The following EXOC4 variants were observed in gnomAD, a reference collection of about 807,000 sequenced individuals.
EXOC4 encodes the protein exocyst complex component 4.
Under a neutral mutation model 107.2 loss-of-function variants are expected in EXOC4, and 71 were observed. That is an observed-to-expected ratio of 0.66 (90% CI 0.55 to 0.81). The LOEUF (loss-of-function observed/expected upper bound fraction) is 0.81, where lower values mean the gene tolerates loss of function less well. EXOC4 is among the 30% of genes least tolerant of loss of function. The pLI is 0.00. For missense variants in EXOC4, 1,108 were observed against 1,189.6 expected, an observed-to-expected ratio of 0.93 and a Z score of 1.01; for synonymous variants, 456 against 441.2, an observed-to-expected ratio of 1.03 and a Z score of -0.42.
At chr7:133,784,378 T>G (rs1388204985) in intron 10 of EXOC4, among the ~76,000 whole-genome samples, 1 of 152,186 alleles carries the variant, frequency 6.6e-6, no homozygotes, top group Non-Finnish European at 1.5e-5. Context: ...TGATCATTCA[T>G]TTGCCTTCTA....
At chr7:133,830,385 T>C (rs1238815473) in intron 11 of EXOC4, among the ~76,000 whole-genome samples, 2 of 152,226 alleles carry the variant, frequency 1.3e-5, no homozygotes, top group East Asian at 3.8e-4. Context: ...ATTTCTTGCC[T>C]CGTGAAGAGG....
chr7:133,813,231 GA>G, intron 10 of EXOC4, among the ~76,000 whole-genome samples: 1 of 152,134 alleles, frequency 6.6e-6, no homozygotes, highest in East Asian at 1.9e-4. Flanking sequence ...TTAGGTACAC[GA>G]AAGGCAAATA....
chr7:133,948,742 A>G (rs148993930), intron 14 of EXOC4, among the ~76,000 whole-genome samples: 5 of 152,270 alleles, frequency 3.3e-5, no homozygotes, highest in Non-Finnish European at 5.9e-5. Context: ...CAGCCTTTAT[A>G]TTCTCAGTTT....
intron 5 of EXOC4, among the ~76,000 whole-genome samples, chr7:133,340,423 C>CTTTTTTTTTTTTTTTTTTTTTTTTTTTTT: frequency 7.7e-6 from 1 of 129,558 alleles, no homozygotes; most frequent in Non-Finnish European, 1.7e-5. Flanking sequence ...TAGTATTTTT[C>CTTTTTTTTTTTTTTTTTTTTTTTTTTTTT]TTTTTTTTTT....
intron 9 of EXOC4, among the ~76,000 whole-genome samples, chr7:133,585,658 C>T (rs765185576): frequency 3.9e-5 from 6 of 151,938 alleles, no homozygotes; most frequent in Non-Finnish European, 7.4e-5. Flanking sequence ...CAGTATGGAG[C>T]TTATGTTCTA....
chr7:133,868,329 A>C (rs1015607913), intron 11 of EXOC4, among the ~76,000 whole-genome samples: 2 of 152,196 alleles, frequency 1.3e-5, no homozygotes, highest in Admixed American at 6.5e-5. Flanking sequence ...GTCAATATGC[A>C]GGAAACCAAA....
At chr7:133,673,957 A>G (rs1227440854) in intron 10 of EXOC4, among the ~76,000 whole-genome samples, 2 of 152,216 alleles carry the variant, frequency 1.3e-5, no homozygotes, top group African/African-American at 2.4e-5. Context: ...ACAGCACTGT[A>G]TGAGGAAGAG....
rs144438317 is a variant in EXOC4, at chr7:133,921,135, C to T, written c.2027+3397C>T. On this transcript the variant is annotated intron_variant, in intron 13 of 17. Transcript: ENST00000253861. Reference sequence around the variant, plus strand: ...TATTCCAAGTCCAAAGCCCTGAGAACAGGGTTAGAGGGTGGGGCTAGTGTA... The same window carrying T: ...TATTCCAAGTCCAAAGCCCTGAGAATAGGGTTAGAGGGTGGGGCTAGTGTA... 2.0e-5 allele frequency among the ~76,000 whole-genome samples: 3 copies of T among 152,292 alleles called. No homozygotes were observed. In the East Asian group the frequency reaches 5.8e-4, roughly 29 times the overall value.
At chr7:133,765,999 A>G (rs1255338584) in intron 10 of EXOC4, among the ~76,000 whole-genome samples, 1 of 152,018 alleles carries the variant, frequency 6.6e-6, no homozygotes, top group Non-Finnish European at 1.5e-5. Context: ...AGTGAGGATG[A>G]TATCTGGTAA....
At chr7:133,474,497 G>A (rs1219288088) in intron 7 of EXOC4, among the ~76,000 whole-genome samples, 2 of 149,900 alleles carry the variant, frequency 1.3e-5, no homozygotes, top group Non-Finnish European at 3.0e-5. Flanking sequence ...TTTTAAAGTA[G>A]AGATGAGCTT....
chr7:133,455,679 T>C (rs1473297975), intron 7 of EXOC4, among the ~76,000 whole-genome samples: 1 of 152,212 alleles, frequency 6.6e-6, no homozygotes, highest in East Asian at 1.9e-4. Flanking sequence ...GCTGAGCTAA[T>C]GGTTGTCCAA....
In EXOC4 at chr7:133,575,937, A is replaced by G. The variant is rs186725556; in HGVS notation, c.1418-54108A>G. Among the ~76,000 whole-genome samples the G allele has an allele frequency of 3.9e-5, 6 of 152,252 alleles. No homozygotes were observed. The East Asian group carries it at 1.2e-3, about 29-fold the overall frequency. Reference sequence around the variant, plus strand: ...ATTATATCTGAAAAGGGCTTTGGTAATTGCTCGTTCTCTTCAGTGACTGTG... The same window carrying G: ...ATTATATCTGAAAAGGGCTTTGGTAGTTGCTCGTTCTCTTCAGTGACTGTG... On this transcript the variant is annotated intron_variant, in intron 9 of 17. Transcript: ENST00000253861.
At chr7:133,958,268 C>CT (rs5887652) in intron 14 of EXOC4, among the ~76,000 whole-genome samples, 104,604 of 150,122 alleles carry the variant, frequency 0.7, 36,800 homozygotes, top group East Asian at 0.91. Context: ...ATTTCTTTTC[C>CT]TTTTTTTTTC....
intron 10 of EXOC4, among the ~76,000 whole-genome samples, chr7:133,748,383 G>C (rs1475863178): frequency 6.6e-6 from 1 of 152,052 alleles, no homozygotes; most frequent in Admixed American, 6.6e-5. Flanking sequence ...AGCTAGGCAG[G>C]TTTCAACATG....
intron 9 of EXOC4, among the ~76,000 whole-genome samples, chr7:133,516,634 G>T (rs536839219): frequency 1.3e-5 from 2 of 152,046 alleles, no homozygotes; most frequent in African/African-American, 4.8e-5. Flanking sequence ...ACATTCATGT[G>T]CAGGTGCAGG....
chr7:133,976,928 G>T (rs1019899567), intron 14 of EXOC4, among the ~76,000 whole-genome samples: 2 of 152,192 alleles, frequency 1.3e-5, no homozygotes, highest in Non-Finnish European at 2.9e-5. Context: ...TGAATGTTCT[G>T]ATGAATGAGC....
rs1795011508 is a variant in EXOC4 at position 133,317,300 on chromosome 7, G to A, written c.673G>A (p.Ala225Thr). Reference protein sequence around the residue: ...KGKISSLVKDASVPLIDVTNL... With the variant: ...KGKISSLVKDTSVPLIDVTNL... ...CCCGTTCAGCTCCCTCGTGAAAGAT[G>A]CTTCTGTTCCTCTGATTGATGTTAC... Residue 225 changes from alanine (A) to threonine (T), a missense_variant, in exon 5 of 18, where the codon GCT becomes ACT. Coordinates refer to ENST00000253861, the MANE Select transcript of EXOC4 (RefSeq NM_021807.4). 6.2e-7 allele frequency: 1 copy of A among 1,612,956 alleles called. No individual in the cohort carries two copies. The highest frequency in any genetic ancestry group is 1.7e-5 in the Admixed American group (1 of 59,950).
In EXOC4 at chr7:133,666,530, G is replaced by A. The variant is rs78508401; in HGVS notation, c.1514+36389G>A. Among the ~76,000 whole-genome samples, 819 of 152,048 alleles carry A rather than the reference G, an allele frequency of 5.4e-3. 9 individuals are homozygous for A. The highest frequency in any genetic ancestry group is 0.018 in the African/African-American group (766 of 41,482). The stretch of plus-strand genomic sequence containing the variant: ...CTCCCTCTTCTCTCCTGCCTTTAAG[G>A]GTTATGCTAATGGGGATGGAAACAT... On this transcript the variant is annotated intron_variant, in intron 10 of 17. Transcript: ENST00000253861.
intron 15 of EXOC4, among the ~76,000 whole-genome samples, chr7:134,003,120 G>A (rs1026463183): frequency 3.3e-5 from 5 of 152,134 alleles, no homozygotes; most frequent in Non-Finnish European, 7.4e-5. Flanking sequence ...TTCAGTGGAA[G>A]GCTACCCAGC....
Sources: allele counts gnomAD v4.1 joint callset (sites outside exome capture counted in the v4.1 genomes callset), GRCh38; gene constraint gnomAD v4.1.1; transcripts MANE v1.5; gene names NCBI Gene and HGNC (gene_info 2026-07-23, HGNC 2026-07-21).